The following RBFOX1 variants were observed in gnomAD, a reference collection of about 807,000 sequenced individuals.
The protein encoded by RBFOX1 is RNA binding fox-1 homolog 1, also known as RNA binding protein fox-1 homolog 1.
RBFOX1 carries 8 observed loss-of-function variants against 57.7 expected under a neutral mutation model. The observed-to-expected ratio is 0.14, with a 90% confidence interval of 0.08 to 0.25. The LOEUF (loss-of-function observed/expected upper bound fraction) is 0.25. RBFOX1 is among the 10% of genes least tolerant of loss of function. The pLI is 1.00. For missense variants in RBFOX1, 611 were observed against 548.5 expected (o/e 1.11, Z -1.14); for synonymous variants, 326 against 222.4 (o/e 1.47, Z -4.15).
chr16:7,057,050 C>T (rs181332609), intron 4 of RBFOX1, among the ~76,000 whole-genome samples: 6 of 150,790 alleles, frequency 4.0e-5, no homozygotes, highest in African/African-American at 1.2e-4. Flanking sequence ...AAAATGCAGG[C>T]CTGATACTCA....
chr16:7,173,940 G>T (rs1177104703), intron 4 of RBFOX1, among the ~76,000 whole-genome samples: 2 of 152,154 alleles, frequency 1.3e-5, no homozygotes, highest in East Asian at 3.8e-4. Context: ...CCTGGGTGAC[G>T]CAGAGAAACG....
intron 4 of RBFOX1, among the ~76,000 whole-genome samples, chr16:7,101,649 T>C (rs540563845): frequency 6.6e-6 from 1 of 152,272 alleles, no homozygotes; most frequent in African/African-American, 2.4e-5. Flanking sequence ...AAGGTACTTT[T>C]TTTGAAGGCA....
intron 3 of RBFOX1, among the ~76,000 whole-genome samples, chr16:5,756,260 C>T (rs1166814065): frequency 6.7e-6 from 1 of 150,138 alleles, no homozygotes; most frequent in Non-Finnish European, 1.5e-5. Flanking sequence ...CCTGCACCAC[C>T]TCCTGCAGTG....
chr16:5,888,420 G>C (rs1468876266), intron 4 of RBFOX1, among the ~76,000 whole-genome samples: 2 of 152,032 alleles, frequency 1.3e-5, no homozygotes, highest in African/African-American at 2.4e-5. Context: ...TTCTATGATA[G>C]TTCCCTGAGA....
chr16:7,212,008 C>T (rs1030200549), intron 4 of RBFOX1, among the ~76,000 whole-genome samples: 15 of 152,152 alleles, frequency 9.9e-5, no homozygotes, highest in African/African-American at 3.4e-4. Flanking sequence ...AATAACCTGC[C>T]TTGCCTGGCT....
At chr16:6,568,068 A>C (rs897226155) in intron 2 of RBFOX1, among the ~76,000 whole-genome samples, 2 of 152,198 alleles carry the variant, frequency 1.3e-5, no homozygotes, top group Non-Finnish European at 2.9e-5. Flanking sequence ...GTGGTCCACT[A>C]TTTAAGGTCT....
At chr16:5,918,946 GT>G (rs1405031901) in intron 4 of RBFOX1, among the ~76,000 whole-genome samples, 3 of 152,192 alleles carry the variant, frequency 2.0e-5, no homozygotes, top group African/African-American at 7.2e-5. Flanking sequence ...AGGAAGGAAG[GT>G]GTTCCACATG....
At chr16:7,413,469 A>G (rs2098449353) in intron 4 of RBFOX1, among the ~76,000 whole-genome samples, 1 of 152,014 alleles carries the variant, frequency 6.6e-6, no homozygotes, top group Non-Finnish European at 1.5e-5. Flanking sequence ...TTCTCACAAG[A>G]TCCAAGGTGA....
chr16:6,808,943 C>G (rs1055202131), intron 3 of RBFOX1, among the ~76,000 whole-genome samples: 1 of 152,182 alleles, frequency 6.6e-6, no homozygotes, highest in Non-Finnish European at 1.5e-5. Context: ...GAGAAGGACT[C>G]TGTACTTCTA....
intron 2 of RBFOX1, among the ~76,000 whole-genome samples, chr16:6,529,984 G>A (rs1035893044): frequency 6.6e-6 from 1 of 152,004 alleles, no homozygotes; most frequent in Admixed American, 6.6e-5. Flanking sequence ...GTCCCTTTTG[G>A]TTATTAGATA....
intron 4 of RBFOX1, among the ~76,000 whole-genome samples, chr16:5,888,797 A>T (rs2057965424): frequency 4.9e-4 from 1 of 2,052 alleles, no homozygotes; most frequent in African/African-American, 6.6e-3. Context: ...AACTCAGTCT[A>T]AAAAAAAAAA....
At chr16:6,103,085 T>C (rs994646333) in intron 1 of RBFOX1, among the ~76,000 whole-genome samples, 2 of 152,186 alleles carry the variant, frequency 1.3e-5, no homozygotes, top group Non-Finnish European at 2.9e-5. Context: ...CACTTGTTGG[T>C]GATTTAGGAG....
intron 1 of RBFOX1, among the ~76,000 whole-genome samples, chr16:5,285,919 C>T (rs901908110): frequency 2.0e-5 from 3 of 152,126 alleles, no homozygotes; most frequent in Non-Finnish European, 4.4e-5. Flanking sequence ...CTACAGGCGC[C>T]TGCCACCACA....
At chr16:5,487,715 C>A (rs1296843362) in intron 2 of RBFOX1, among the ~76,000 whole-genome samples, 1 of 152,154 alleles carries the variant, frequency 6.6e-6, no homozygotes, top group African/African-American at 2.4e-5. Flanking sequence ...TGTCTATCTT[C>A]CAGGCATAGG....
intron 1 of RBFOX1, among the ~76,000 whole-genome samples, chr16:6,184,103 A>G (rs1479793328): frequency 1.3e-5 from 2 of 152,204 alleles, no homozygotes; most frequent in African/African-American, 4.8e-5. Flanking sequence ...TTCCCCTTAT[A>G]AAACCATCCT....
chr16:5,782,769 G>A (rs1013646771), intron 3 of RBFOX1, among the ~76,000 whole-genome samples: 1 of 152,188 alleles, frequency 6.6e-6, no homozygotes, highest in Non-Finnish European at 1.5e-5. Flanking sequence ...CATGAAAACA[G>A]GTGGTATAAT....
intron 4 of RBFOX1, among the ~76,000 whole-genome samples, chr16:7,122,856 C>A (rs1470084994): frequency 6.6e-6 from 1 of 152,158 alleles, no homozygotes; most frequent in Admixed American, 6.6e-5. Flanking sequence ...ACGTGGAATA[C>A]TACTGAACAA....
At chr16:5,264,690 G>C (rs1489293383) in intron 1 of RBFOX1, among the ~76,000 whole-genome samples, 1 of 152,170 alleles carries the variant, frequency 6.6e-6, no homozygotes, top group Non-Finnish European at 1.5e-5. Flanking sequence ...GGGAGGGGAT[G>C]TGGCTAGTAC....
chr16:7,562,807 C>A (rs548030847), intron 5 of RBFOX1, among the ~76,000 whole-genome samples: 60 of 152,340 alleles, frequency 3.9e-4, no homozygotes, highest in Admixed American at 3.3e-4. Flanking sequence ...GAGTTTGGAG[C>A]CAACAGGCAA....
Sources: allele counts gnomAD v4.1 joint callset (sites outside exome capture counted in the v4.1 genomes callset), GRCh38; gene constraint gnomAD v4.1.1; transcripts MANE v1.5; gene names NCBI Gene and HGNC (gene_info 2026-07-23, HGNC 2026-07-21).